Variants in CNTN5 observed in about 807,000 individuals in gnomAD.
The protein encoded by CNTN5 is contactin 5.
Under a neutral mutation model 129.1 loss-of-function variants are expected in CNTN5, and 77 were observed. The ratio of observed to expected loss-of-function variants is 0.60; its 90% confidence interval spans 0.50 to 0.72. The LOEUF (loss-of-function observed/expected upper bound fraction) is 0.72, where lower values mean the gene tolerates loss of function less well. Ranked by LOEUF, CNTN5 falls within the 30% of genes least tolerant of loss-of-function variation. The pLI is 0.00. For missense variants in CNTN5, 1,478 were observed against 1,328.8 expected (o/e 1.11, Z -1.75); for synonymous variants, 509 against 465.6 (o/e 1.09, Z -1.20).
intron 3 of CNTN5, among the ~76,000 whole-genome samples, chr11:99,734,933 G>A (rs572200002): frequency 6.6e-6 from 1 of 152,328 alleles, no homozygotes; most frequent in Admixed American, 6.5e-5. Context: ...GCGTGAAGCC[G>A]GGAGGCGGAG....
chr11:100,202,576 A>G (rs1948807439), intron 15 of CNTN5, among the ~76,000 whole-genome samples: 1 of 151,072 alleles, frequency 6.6e-6, no homozygotes, highest in South Asian at 2.1e-4. Context: ...AAGCAGCCGT[A>G]TAAGTCAGAT....
At chr11:99,582,395 C>T (rs1373920545) in intron 3 of CNTN5, among the ~76,000 whole-genome samples, 1 of 152,186 alleles carries the variant, frequency 6.6e-6, no homozygotes, top group Non-Finnish European at 1.5e-5. Context: ...TGGAGAAGTT[C>T]TCCTGGATAA....
chr11:99,820,539 G>A (rs1946766817), intron 4 of CNTN5, among the ~76,000 whole-genome samples: 1 of 152,300 alleles, frequency 6.6e-6, no homozygotes, highest in African/African-American at 2.4e-5. Flanking sequence ...GTCTACCTTT[G>A]TCATTTTTGG....
intron 3 of CNTN5, among the ~76,000 whole-genome samples, chr11:99,731,407 T>A (rs1291959581): frequency 1.3e-5 from 2 of 152,152 alleles, no homozygotes; most frequent in Non-Finnish European, 2.9e-5. Context: ...AGAAGCTCTT[T>A]AGTTAACTCT....
At chr11:99,762,616 T>C (rs536487497) in intron 3 of CNTN5, among the ~76,000 whole-genome samples, 59 of 152,214 alleles carry the variant, frequency 3.9e-4, no homozygotes, top group Non-Finnish European at 7.2e-4. Context: ...TTCTGTTCCA[T>C]TGATCAATAT....
At chr11:99,181,793 G>C (rs1858085129) in intron 1 of CNTN5, among the ~76,000 whole-genome samples, 1 of 152,140 alleles carries the variant, frequency 6.6e-6, no homozygotes, top group African/African-American at 2.4e-5. Flanking sequence ...CAAGATTTAA[G>C]TTGCCCCCTT....
chr11:99,706,624 G>A (rs370621105), intron 3 of CNTN5, among the ~76,000 whole-genome samples: 128 of 151,348 alleles, frequency 8.5e-4, no homozygotes, highest in East Asian at 3.5e-3. Flanking sequence ...ATGTGGTGTC[G>A]TCAGAAACTA....
At chr11:100,027,098 T>C (rs1400793591) in intron 9 of CNTN5, among the ~76,000 whole-genome samples, 1 of 152,218 alleles carries the variant, frequency 6.6e-6, no homozygotes, top group Non-Finnish European at 1.5e-5. Flanking sequence ...AATGTAGTTA[T>C]AATAACTGTT....
intron 6 of CNTN5, among the ~76,000 whole-genome samples, chr11:99,896,070 C>A (rs1185260711): frequency 6.6e-6 from 1 of 152,108 alleles, no homozygotes; most frequent in Non-Finnish European, 1.5e-5. Flanking sequence ...CCAGAGGTAG[C>A]TAACAGGCCC....
intron 2 of CNTN5, among the ~76,000 whole-genome samples, chr11:99,379,523 A>G (rs919939060): frequency 6.6e-6 from 1 of 152,198 alleles, no homozygotes; most frequent in Non-Finnish European, 1.5e-5. Flanking sequence ...GATATTCATT[A>G]TTGAAAGTTG....
At chr11:99,184,847 T>C (rs2135574912) in intron 1 of CNTN5, among the ~76,000 whole-genome samples, 1 of 152,124 alleles carries the variant, frequency 6.6e-6, no homozygotes, top group African/African-American at 2.4e-5. Flanking sequence ...TTTAACACTG[T>C]AAATTTTAAA....
At chr11:99,679,699 T>G (rs764068671) in intron 3 of CNTN5, among the ~76,000 whole-genome samples, 9 of 152,204 alleles carry the variant, frequency 5.9e-5, no homozygotes, top group Non-Finnish European at 8.8e-5. Context: ...CCGTGGCCTC[T>G]AAGTGTTCAA....
chr11:100,052,427 G>T (rs1291188344), intron 9 of CNTN5, among the ~76,000 whole-genome samples: 2 of 151,676 alleles, frequency 1.3e-5, no homozygotes, highest in Non-Finnish European at 3.0e-5. Context: ...ATTGGAGGTG[G>T]CATAAATGTG....
intron 13 of CNTN5, among the ~76,000 whole-genome samples, chr11:100,130,227 C>T (rs1946330920): frequency 6.6e-6 from 1 of 152,094 alleles, no homozygotes; most frequent in Admixed American, 6.6e-5. Context: ...TGAAAGCTTA[C>T]CTTTTATGTT....
intron 2 of CNTN5, among the ~76,000 whole-genome samples, chr11:99,339,543 G>A (rs932594928): frequency 2.0e-5 from 3 of 152,110 alleles, no homozygotes; most frequent in African/African-American, 7.2e-5. Context: ...ACTTTGGGAG[G>A]CCGAGACGGG....
chr11:99,643,207 T>A (rs865993819), intron 3 of CNTN5, among the ~76,000 whole-genome samples: 13 of 148,056 alleles, frequency 8.8e-5, no homozygotes, highest in Non-Finnish European at 1.8e-4. Context: ...ATCTCAATAA[T>A]GGGGAACTAG....
chr11:100,138,018 A>G (rs949425926), intron 13 of CNTN5, among the ~76,000 whole-genome samples: 1 of 152,148 alleles, frequency 6.6e-6, no homozygotes, highest in African/African-American at 2.4e-5. Flanking sequence ...GAAAGATAGA[A>G]TTAACAGAAC....
chr11:99,511,050 G>GT (rs1312247411), intron 2 of CNTN5, among the ~76,000 whole-genome samples: 1 of 151,888 alleles, frequency 6.6e-6, no homozygotes, highest in African/African-American at 2.4e-5. Context: ...TTATGTTTTA[G>GT]TTTTTAATTT....
rs774953191 is a variant in CNTN5, at chr11:99,990,447, T to TACACACACACACACACAC, written c.878-11586_878-11585insCACACACACACACACACA. 1.6e-3 allele frequency among the ~76,000 whole-genome samples: 121 copies of TACACACACACACACACAC among 77,016 alleles called. 1 individual carries two copies. The highest frequency in any genetic ancestry group is 5.3e-3 in the African/African-American group (118 of 22,274). 50.5% of individuals were successfully genotyped at this position (77,016 alleles called of 152,430 possible). A position where few individuals can be genotyped will look rare whatever the true frequency, so the allele number is the denominator to read the frequency against. ...ATTGGCTTCCCTTATTTTTAGAATATATATATATACACACACACACACACA... is the reference window on the plus strand; with the variant it reads ...ATTGGCTTCCCTTATTTTTAGAATATACACACACACACACACACATATATATACACACACACACACACA... On this transcript the variant is annotated intron_variant, in intron 8 of 24. Transcript: ENST00000524871.
Sources: allele counts gnomAD v4.1 joint callset (sites outside exome capture counted in the v4.1 genomes callset), GRCh38; gene constraint gnomAD v4.1.1; transcripts MANE v1.5; gene names NCBI Gene and HGNC (gene_info 2026-07-23, HGNC 2026-07-21).